IQCM: variants seen among roughly 807,000 people sequenced by gnomAD.
The protein encoded by IQCM is IQ domain-containing protein M.
IQCM carries 45 observed loss-of-function variants against 57.6 expected under a neutral mutation model. That is an observed-to-expected ratio of 0.78 (90% confidence interval 0.62 to 1.00). The LOEUF (loss-of-function observed/expected upper bound fraction) is 1.00, where lower values mean the gene tolerates loss of function less well. Ranked by LOEUF, IQCM falls within the 50% of genes least tolerant of loss-of-function variation. IQCM has a pLI of 0.00. For missense variants in IQCM, 468 were observed against 511.6 expected (o/e 0.91, Z 0.82); for synonymous variants, 148 against 158.9 (o/e 0.93, Z 0.51).
intron 13 of IQCM, among the ~76,000 whole-genome samples, chr4:149,364,168 G>T (rs1729679627): frequency 6.6e-6 from 1 of 152,066 alleles, no homozygotes; most frequent in African/African-American, 2.4e-5. Flanking sequence ...AAATGACCAG[G>T]CACCCTTTCC....
intron 2 of IQCM, among the ~76,000 whole-genome samples, chr4:149,771,547 A>T (rs1434324228): frequency 6.6e-6 from 1 of 152,140 alleles, no homozygotes; most frequent in Non-Finnish European, 1.5e-5. Context: ...AAAGACTAAT[A>T]AAGTTCTTTC....
At chr4:149,641,140 T>C (rs1011732259) in intron 7 of IQCM, among the ~76,000 whole-genome samples, 2 of 152,044 alleles carry the variant, frequency 1.3e-5, no homozygotes, top group African/African-American at 4.8e-5. Context: ...AAAAAAGTGT[T>C]CTCATTTTAA....
At position 149,426,414 on chromosome 4, in the gene IQCM, TTC is replaced by T. The variant is rs572394024; in HGVS notation, c.1390+6980_1390+6981del. The stretch of plus-strand genomic sequence containing the variant: ...GTCACTAATCACTGACCTACATGCT[TTC>T]TATACTAGTTATCTACTGCTGTGTA... On this transcript the variant is annotated intron_variant, in intron 13 of 13. Coordinates refer to ENST00000636793, the MANE Select transcript of IQCM (RefSeq NM_001363507.2). Among the ~76,000 whole-genome samples, 6 of 152,100 alleles carry T rather than the reference TTC, an allele frequency of 3.9e-5. No individual in the cohort carries two copies. The South Asian group carries it at 1.2e-3, about 32-fold the overall frequency.
chr4:149,545,576 G>T (rs976744305), intron 12 of IQCM, among the ~76,000 whole-genome samples: 3 of 152,026 alleles, frequency 2.0e-5, no homozygotes, highest in African/African-American at 7.3e-5. Context: ...TGGAATCTTT[G>T]TACATTGTTG....
intron 2 of IQCM, among the ~76,000 whole-genome samples, chr4:149,812,457 A>ATCTC (rs745971362): frequency 4.1e-4 from 57 of 139,690 alleles, no homozygotes; most frequent in Admixed American, 7.3e-4. Context: ...TACCTTCTAG[A>ATCTC]TCTCTCTCTC....
chr4:149,763,560 T>C (rs1433465685), intron 2 of IQCM, among the ~76,000 whole-genome samples: 1 of 152,134 alleles, frequency 6.6e-6, no homozygotes, highest in Non-Finnish European at 1.5e-5. Context: ...GTATGACTGT[T>C]ACTACGCTAA....
chr4:149,409,914 G>A (rs996551700), intron 13 of IQCM, among the ~76,000 whole-genome samples: 2 of 152,164 alleles, frequency 1.3e-5, no homozygotes, highest in Non-Finnish European at 2.9e-5. Context: ...GGCCTGGCCC[G>A]GTGGCTCATG....
intron 2 of IQCM, chr4:149,793,560 GT>G: frequency 6.6e-6 from 1 of 152,174 alleles, no homozygotes; most frequent in Admixed American, 6.5e-5. Context: ...TTTGCTTTTA[GT>G]TTTTCTGCTT....
intron 13 of IQCM, among the ~76,000 whole-genome samples, chr4:149,389,045 T>A (rs1337845201): frequency 6.6e-6 from 1 of 151,872 alleles, no homozygotes; most frequent in African/African-American, 2.4e-5. Context: ...TGTCTCATAG[T>A]CAAGAAACCA....
chr4:149,716,721 A>G (rs1446390694), intron 5 of IQCM, among the ~76,000 whole-genome samples: 1 of 152,158 alleles, frequency 6.6e-6, no homozygotes, highest in African/African-American at 2.4e-5. Flanking sequence ...CCTGTTCTTC[A>G]CAAAGACTTC....
In IQCM at chr4:149,359,644, A is replaced by G. The variant is rs895450424; in HGVS notation, c.1391-7578T>C. ...TACAGGCTGGATTTTCAGAAATGGG[A>G]TATTTCTTTTTCTCAAAGGTTTGAA... On this transcript the variant is annotated intron_variant, in intron 13 of 13. Coordinates refer to ENST00000636793, the MANE Select transcript of IQCM (RefSeq NM_001363507.2). 2.0e-4 allele frequency among the ~76,000 whole-genome samples: 30 copies of G among 152,128 alleles called. 1 individual carries two copies. The highest frequency in any genetic ancestry group is 7.0e-4 in the African/African-American group (29 of 41,442).
At chr4:149,407,484 T>C (rs1326415977) in intron 13 of IQCM, among the ~76,000 whole-genome samples, 1 of 152,056 alleles carries the variant, frequency 6.6e-6, no homozygotes, top group Non-Finnish European at 1.5e-5. Context: ...TGCCCCACCA[T>C]TTGGAGTCTC....
intron 9 of IQCM, among the ~76,000 whole-genome samples, chr4:149,574,024 A>G (rs1484437678): frequency 1.3e-5 from 2 of 151,922 alleles, no homozygotes; most frequent in Admixed American, 1.3e-4. Flanking sequence ...TTTCAGGAGT[A>G]TTGAAAGATA....
At chr4:149,745,236 T>C (rs1000100364) in intron 2 of IQCM, among the ~76,000 whole-genome samples, 1 of 152,172 alleles carries the variant, frequency 6.6e-6, no homozygotes, top group African/African-American at 2.4e-5. Context: ...GTCTGTTTGA[T>C]TTTAGCAGAG....
At chr4:149,658,223 T>TC (rs1349744548) in intron 7 of IQCM, among the ~76,000 whole-genome samples, 1 of 152,006 alleles carries the variant, frequency 6.6e-6, no homozygotes, top group Non-Finnish European at 1.5e-5. Flanking sequence ...CATGTAGATA[T>TC]CCAATTTCCC....
chr4:149,785,819 T>TA (rs34985606), intron 2 of IQCM, among the ~76,000 whole-genome samples: 17,114 of 140,656 alleles, frequency 0.12, 1,083 homozygotes, highest in East Asian at 0.22. Context: ...TTTAAAAATG[T>TA]AAAAAAAAAA....
intron 12 of IQCM, among the ~76,000 whole-genome samples, chr4:149,444,664 A>C (rs1035459299): frequency 6.6e-6 from 1 of 151,910 alleles, no homozygotes; most frequent in Admixed American, 6.6e-5. Context: ...TTGCATTAAA[A>C]AATTATATGA....
intron 12 of IQCM, among the ~76,000 whole-genome samples, chr4:149,483,856 T>C (rs1335986947): frequency 2.6e-5 from 4 of 152,024 alleles, no homozygotes; most frequent in Non-Finnish European, 5.9e-5. Flanking sequence ...TATCCAGTGC[T>C]GAATCTGGGG....
At chr4:149,583,677 T>C (rs557608972) in intron 9 of IQCM, among the ~76,000 whole-genome samples, 1 of 151,728 alleles carries the variant, frequency 6.6e-6, no homozygotes, top group East Asian at 1.9e-4. Flanking sequence ...ACTAAACAAA[T>C]TCAAGTGGAC....
Sources: allele counts gnomAD v4.1 joint callset (sites outside exome capture counted in the v4.1 genomes callset), GRCh38; gene constraint gnomAD v4.1.1; transcripts MANE v1.5; gene names NCBI Gene and HGNC (gene_info 2026-07-23, HGNC 2026-07-21).